The following CDC42BPB variants were observed in gnomAD, a reference collection of about 807,000 sequenced individuals.
The protein encoded by CDC42BPB is serine/threonine-protein kinase MRCK beta.
In CDC42BPB, 37 loss-of-function variants were observed where a neutral mutation model predicts 214.9. That is an observed-to-expected ratio of 0.17 (90% confidence interval 0.13 to 0.23). The LOEUF (loss-of-function observed/expected upper bound fraction) is 0.23, where lower values mean the gene tolerates loss of function less well. CDC42BPB is among the 10% of genes least tolerant of loss of function. The pLI is 1.00. For synonymous variants in CDC42BPB, 931 were observed against 884.0 expected (o/e 1.05, Z -0.94); for missense variants, 1,694 against 2,227.0 (o/e 0.76, Z 4.82).
chr14:103,007,800 G>GCAC (rs1885925336), intron 3 of CDC42BPB, among the ~76,000 whole-genome samples: 1 of 151,996 alleles, frequency 6.6e-6, no homozygotes. Context: ...GAAGCAGGAA[G>GCAC]CAGGTCAACT....
chr14:102,954,636 G>C lies in CDC42BPB; in HGVS notation c.2954C>G (p.Pro985Arg). 5.0e-6 allele frequency: 8 copies of C among 1,613,964 alleles called. No homozygotes were observed. Among genetic ancestry groups the C allele is most frequent in the Non-Finnish European group, 6.8e-6 (8 of 1,179,924 alleles). Residue 985 changes from proline (P) to arginine (R), a missense_variant, in exon 22 of 37, where the codon CCG becomes CGG. This residue lies in a region of CDC42BPB where 156 missense variants were observed against 154.5 expected (regional missense o/e 1.01). Transcript: ENST00000361246. The stretch of plus-strand genomic sequence containing the variant: ...CTCTGATGCAGCCACAGACATCGAC[G>C]GGGACGCTTCTGGCTTCGGAGCTTG... The part of the protein sequence containing the change: ...ETQAPKPEAS[P>R]SMSVAASEQQ...
chr14:102,945,094 C>G (rs1403750858), intron 29 of CDC42BPB: 1 of 363,310 alleles, frequency 2.8e-6, no homozygotes, highest in African/African-American at 2.1e-5. Context: ...CGGCCTCGCC[C>G]AGCGGCTGCC....
rs1235262792 is a variant in CDC42BPB, at chr14:102,971,735, T to C, written c.1884+184A>G. On this transcript the variant is annotated intron_variant, in intron 13 of 36. Coordinates refer to ENST00000361246, the MANE Select transcript of CDC42BPB (RefSeq NM_006035.4). ...GAAAATCAGCACCACAAGAACCTTA[T>C]TGTAATTTCACCAATATTGAGGAAT... is the stretch of plus-strand genomic sequence containing the variant. Among the ~76,000 whole-genome samples, 5 of 152,364 alleles carry C rather than the reference T, an allele frequency of 3.3e-5. No homozygotes were observed. The East Asian group carries it at 7.7e-4, about 23-fold the overall frequency.
At chr14:103,021,422 C>T (rs1379429939) in intron 1 of CDC42BPB, among the ~76,000 whole-genome samples, 11 of 151,714 alleles carry the variant, frequency 7.3e-5, no homozygotes, top group African/African-American at 2.4e-4. Context: ...GCTGAGATCG[C>T]GCCACTGCAC....
At position 102,975,765 on chromosome 14, in the gene CDC42BPB, G is replaced by C. The variant is rs371772936; in HGVS notation, c.1426C>G (p.Arg476Gly). The stretch of plus-strand genomic sequence containing the variant: ...TCTCGGTTTGAATTGCTGAGGGCCC[G>C]AGATGAGCCGTGGAGGGACTGCACG... The part of the protein sequence containing the change: ...QTVQSLHGSS[R>G]ALSNSNRDKE... The change falls in exon 11 of 37, where the codon CGG becomes GGG. Residue 476 changes from arginine (R) to glycine (G), a missense_variant. By Grantham distance (125) the Arg-to-Gly change is moderately radical (BLOSUM62 -2). Coordinates refer to ENST00000361246, the MANE Select transcript of CDC42BPB (RefSeq NM_006035.4). 2 of 1,614,098 alleles carry C rather than the reference G, an allele frequency of 1.2e-6. No individual in the cohort carries two copies. The highest frequency in any genetic ancestry group is 3.3e-5 in the Admixed American group (2 of 60,028).
At chr14:103,036,003 T>C (rs1001837949) in intron 1 of CDC42BPB, among the ~76,000 whole-genome samples, 11 of 151,708 alleles carry the variant, frequency 7.3e-5, no homozygotes, top group African/African-American at 2.7e-4. Flanking sequence ...ATACAAAAAT[T>C]AGCCAAGTGT....
chr14:103,036,390 C>T (rs531681878), intron 1 of CDC42BPB, among the ~76,000 whole-genome samples: 3 of 152,100 alleles, frequency 2.0e-5, no homozygotes, highest in South Asian at 4.2e-4. Context: ...CTCCTGACCT[C>T]GTGATCCACC....
chr14:103,039,019 T>A (rs1887833073), intron 1 of CDC42BPB, among the ~76,000 whole-genome samples: 1 of 152,046 alleles, frequency 6.6e-6, no homozygotes, highest in African/African-American at 2.4e-5. Flanking sequence ...ACAAATTAGA[T>A]AATCTAGGTG....
At chr14:102,994,469 C>A (rs1339669260) in intron 5 of CDC42BPB, among the ~76,000 whole-genome samples, 2 of 152,178 alleles carry the variant, frequency 1.3e-5, no homozygotes, top group East Asian at 3.8e-4. Flanking sequence ...TGGCTCCCAA[C>A]CGCCGAGGCC....
At chr14:103,021,901 G>A (rs940729721) in intron 1 of CDC42BPB, among the ~76,000 whole-genome samples, 5 of 152,156 alleles carry the variant, frequency 3.3e-5, no homozygotes, top group Admixed American at 6.5e-5. Context: ...TGGATGGGGC[G>A]TGCAGGTTGA....
At chr14:103,055,941 G>A (rs781761416) in intron 1 of CDC42BPB, among the ~76,000 whole-genome samples, 2 of 152,220 alleles carry the variant, frequency 1.3e-5, no homozygotes, top group Non-Finnish European at 2.9e-5. Flanking sequence ...GTTTTCATAG[G>A]TTTGGCCTGA....
chr14:102,961,246 C>A (rs1025990710), intron 20 of CDC42BPB, among the ~76,000 whole-genome samples: 2 of 152,202 alleles, frequency 1.3e-5, no homozygotes, highest in South Asian at 4.1e-4. Context: ...ATCCCTCCAA[C>A]AACTGGGAGT....
chr14:103,001,639 G>A lies in CDC42BPB; in HGVS notation c.448-1926C>T, dbSNP rs1053805614. On this transcript the variant is annotated intron_variant, in intron 4 of 36. Coordinates refer to ENST00000361246, the MANE Select transcript of CDC42BPB (RefSeq NM_006035.4). This position sits in a 1 kb window ranked among gnomAD's most constrained non-coding sequence, Gnocchi z 5.8. The stretch of plus-strand genomic sequence containing the variant: ...AGCCCAGGCACCGAGGTGCCACTGC[G>A]TGTGGAGGGCGATGCAGAGGGGGCG... Among the ~76,000 whole-genome samples, 3 of 152,192 alleles carry A rather than the reference G, an allele frequency of 2.0e-5. No homozygotes were observed. The highest frequency in any genetic ancestry group is 6.5e-5 in the Admixed American group (1 of 15,290).
rs767758336 is a variant in CDC42BPB at position 102,964,653 on chromosome 14, T to TG, written c.2578-4dup. 2 of 1,604,590 alleles carry TG rather than the reference T, an allele frequency of 1.2e-6. No homozygotes were observed. Among genetic ancestry groups the TG allele is most frequent in the East Asian group, 2.2e-5 (1 of 44,628 alleles). ...CGGCGCACCTTCCACAGCGGGTCCTTGAGACACGGTCATGGCGTTAAAAAT... is the reference window on the plus strand; with the variant it reads ...CGGCGCACCTTCCACAGCGGGTCCTTGGAGACACGGTCATGGCGTTAAAAAT... On this transcript the variant is annotated splice_polypyrimidine_tract_variant and splice_region_variant and intron_variant, in intron 18 of 36. Transcript: ENST00000361246.
rs751881488 is a variant in CDC42BPB at position 102,954,258 on chromosome 14, C to T, written c.3006G>A (p.Pro1002=). ...SEQQEDMARP[P]QRPSAVPLPT... Reference sequence around the variant, plus strand: ...GCAACGGCACAGCGGATGGCCTCTGCGGGGGCCGAGCCATGTCCTGGGAGA... The same window carrying T: ...GCAACGGCACAGCGGATGGCCTCTGTGGGGGCCGAGCCATGTCCTGGGAGA... The change falls in exon 23 of 37, where the codon CCG becomes CCA. Residue 1002 remains proline (P), a synonymous_variant. Transcript: ENST00000361246. 4.7e-5 allele frequency: 72 copies of T among 1,534,520 alleles called. No individual in the cohort carries two copies. The highest frequency in any genetic ancestry group is 6.0e-5 in the Non-Finnish European group (69 of 1,142,466).
At chr14:103,027,552 TTAAA>T (rs778092192) in intron 1 of CDC42BPB, among the ~76,000 whole-genome samples, 1 of 152,178 alleles carries the variant, frequency 6.6e-6, no homozygotes, top group Non-Finnish European at 1.5e-5. Context: ...GAGAAAGTAA[TTAAA>T]TAACAATACA....
chr14:102,975,889 G>C lies in CDC42BPB; in HGVS notation c.1381C>G (p.Leu461Val). The stretch of plus-strand genomic sequence containing the variant: ...GAGCCGGCGCTGCCCTCACCTTGCA[G>C]CTTCCTGCTCAGCTCCAGCTTCTCC... ...EQEKLELSRK[L>V]QESTQTVQSL... is the part of the protein sequence containing the mutation. Residue 461 changes from leucine to valine, a missense_variant, in exon 10 of 37, where the codon CTG becomes GTG. Physicochemically the swap from Leu to Val is conservative, Grantham distance 32. Transcript: ENST00000361246. 11 of 1,614,144 alleles carry C rather than the reference G, an allele frequency of 6.8e-6. No individual in the cohort carries two copies. The highest frequency in any genetic ancestry group is 9.3e-6 in the Non-Finnish European group (11 of 1,180,010).
At chr14:103,023,969 G>A (rs761585302) in intron 1 of CDC42BPB, among the ~76,000 whole-genome samples, 22 of 152,100 alleles carry the variant, frequency 1.4e-4, no homozygotes, top group Non-Finnish European at 3.1e-4. Context: ...TGATGGGGGC[G>A]GTGCCCACCC....
intron 1 of CDC42BPB, among the ~76,000 whole-genome samples, chr14:103,056,561 AGGTGCG>A (rs1002521846): frequency 7.9e-6 from 1 of 125,834 alleles, no homozygotes; most frequent in Non-Finnish European, 1.7e-5. Context: ...CCCAAAGGCG[AGGTGCG>A]GGGGCGGGGG....
Sources: gnomAD v4.1 joint callset for allele counts (sites outside exome capture counted in the v4.1 genomes callset) on GRCh38, gnomAD v4.1.1 for gene constraint, gnomAD v4.1.1 regional missense constraint, Gnocchi (gnomAD v3.1) non-coding constraint, MANE v1.5 for transcripts, NCBI Gene and HGNC (gene_info 2026-07-23, HGNC 2026-07-21) for gene names.